Variants in COLEC10 observed in about 807,000 individuals in gnomAD.
COLEC10 encodes collectin subfamily member 10, also known as collectin-10.
In COLEC10, 22 loss-of-function variants were observed where a neutral mutation model predicts 28.4. The observed-to-expected ratio is 0.78, with a 90% CI of 0.55 to 1.11. The LOEUF is 1.11. Among genes scored for constraint, COLEC10 ranks in the 50% least tolerant of loss-of-function variants. COLEC10 has a pLI of 0.00. For missense variants in COLEC10, 361 were observed against 344.1 expected (o/e 1.05, Z -0.39); for synonymous variants, 125 against 116.1 (o/e 1.08, Z -0.49).
intron 1 of COLEC10, among the ~76,000 whole-genome samples, chr8:119,004,978 T>C (rs1398792930): frequency 1.3e-5 from 2 of 152,088 alleles, no homozygotes; most frequent in Non-Finnish European, 2.9e-5. Context: ...GCCTACAAAC[T>C]TTTATTATTC....
At chr8:118,988,188 A>G in the COLEC10 span, among the ~76,000 whole-genome samples, 3 of 152,158 alleles carry the variant, frequency 2.0e-5, no homozygotes, top group African/African-American at 4.8e-5. Context: ...AGGGACCCCA[A>G]TCTTAGGGGT....
chr8:119,006,777 T>A (rs1012208262), intron 1 of COLEC10, among the ~76,000 whole-genome samples: 4 of 152,092 alleles, frequency 2.6e-5, no homozygotes, highest in African/African-American at 7.2e-5. Context: ...CCTGTATAAC[T>A]CCTGTTCGTT....
chr8:118,977,300 C>T, the COLEC10 span, among the ~76,000 whole-genome samples: 6 of 147,976 alleles, frequency 4.1e-5, no homozygotes, highest in African/African-American at 7.3e-5. Context: ...CACATGCACA[C>T]GTATGTTTAT....
At chr8:119,056,807 G>A (rs1197421277) in intron 2 of COLEC10, among the ~76,000 whole-genome samples, 3 of 151,858 alleles carry the variant, frequency 2.0e-5, no homozygotes, top group Non-Finnish European at 4.4e-5. Flanking sequence ...TTGCCCTTAT[G>A]ATAGTTCCAA....
At chr8:119,086,109 T>C (rs1815476385) in intron 1 of COLEC10, among the ~76,000 whole-genome samples, 1 of 152,188 alleles carries the variant, frequency 6.6e-6, no homozygotes, top group South Asian at 2.1e-4. Context: ...TAGAATTCAA[T>C]TTTAAAAGAC....
At chr8:119,061,104 A>G (rs923324123) in intron 2 of COLEC10, among the ~76,000 whole-genome samples, 1 of 152,146 alleles carries the variant, frequency 6.6e-6, no homozygotes, top group African/African-American at 2.4e-5. Context: ...ATGAATTTTT[A>G]TAACTATAAA....
the COLEC10 span, among the ~76,000 whole-genome samples, chr8:118,983,667 G>C: frequency 6.6e-6 from 1 of 151,958 alleles, no homozygotes; most frequent in Non-Finnish European, 1.5e-5. Flanking sequence ...TTAAAAAGTG[G>C]GCAAAGGATA....
the COLEC10 span, among the ~76,000 whole-genome samples, chr8:118,952,666 C>A: frequency 5.3e-5 from 8 of 152,190 alleles, no homozygotes; most frequent in South Asian, 4.1e-4. Flanking sequence ...GATAACCTTG[C>A]GGAGCACTGT....
At chr8:118,952,714 G>A in the COLEC10 span, among the ~76,000 whole-genome samples, 1 of 152,172 alleles carries the variant, frequency 6.6e-6, no homozygotes, top group Non-Finnish European at 1.5e-5. Flanking sequence ...AGGGCTATTG[G>A]TATCGGAGCT....
At chr8:119,085,018 C>G (rs1450663641) in intron 1 of COLEC10, among the ~76,000 whole-genome samples, 2 of 152,240 alleles carry the variant, frequency 1.3e-5, no homozygotes, top group Non-Finnish European at 2.9e-5. Flanking sequence ...GTGTTGAACA[C>G]TTTTCATCCA....
chr8:118,985,324 A>T, the COLEC10 span, among the ~76,000 whole-genome samples: 6 of 152,056 alleles, frequency 3.9e-5, no homozygotes, highest in Non-Finnish European at 5.9e-5. Context: ...TTGATTGCCC[A>T]CCATTCTGCA....
At chr8:119,048,084 T>A (rs1437042487) in intron 2 of COLEC10, among the ~76,000 whole-genome samples, 1 of 152,226 alleles carries the variant, frequency 6.6e-6, no homozygotes, top group Non-Finnish European at 1.5e-5. Context: ...CTGGATATAT[T>A]GCATTCAGGT....
the COLEC10 span, among the ~76,000 whole-genome samples, chr8:118,956,871 T>A: frequency 6.6e-6 from 1 of 152,148 alleles, no homozygotes; most frequent in Non-Finnish European, 1.5e-5. Flanking sequence ...CTCTTAAAAC[T>A]ATTTTCTTAA....
chr8:119,103,953 A>T, intron 5 of COLEC10, 58 bp downstream of exon 5: 1 of 1,098,972 alleles, frequency 9.1e-7, no homozygotes. Context: ...CAACACTACA[A>T]TTCCAGTACT....
At chr8:119,077,903 G>T (rs1338069666) in intron 1 of COLEC10, among the ~76,000 whole-genome samples, 2 of 152,112 alleles carry the variant, frequency 1.3e-5, no homozygotes, top group East Asian at 3.8e-4. Context: ...GGTTTATTTT[G>T]TTCATGTTTC....
At chr8:119,085,556 C>T (rs555151923) in intron 1 of COLEC10, among the ~76,000 whole-genome samples, 25 of 151,250 alleles carry the variant, frequency 1.7e-4, no homozygotes, top group East Asian at 1.6e-3. Context: ...CCAGCTATCC[C>T]ATTCAATTCT....
the COLEC10 span, among the ~76,000 whole-genome samples, chr8:118,966,678 G>A: frequency 2.1e-5 from 3 of 145,410 alleles, no homozygotes; most frequent in South Asian, 6.5e-4. Flanking sequence ...AATGTTCCAT[G>A]TTTTTTTTTT....
chr8:119,079,696 T>C (rs1442313540), intron 1 of COLEC10, among the ~76,000 whole-genome samples: 1 of 139,358 alleles, frequency 7.2e-6, no homozygotes, highest in Non-Finnish European at 1.5e-5. Flanking sequence ...CAAATAAGCT[T>C]GAAAACGACA....
Position 119,067,630 on chromosome 8 carries a change from T to C in COLEC10, c.148+201T>C, listed in dbSNP as rs576154296. On this transcript the variant is annotated intron_variant, in intron 1 of 5. Coordinates refer to ENST00000332843, the MANE Select transcript of COLEC10 (RefSeq NM_006438.5). ...TCTCCTTTGATGTTAGGTAAGAGGA[T>C]GTTGGGAAGGGGAAACCCAGGACGG... 1.9e-4 allele frequency: 99 copies of C among 508,134 alleles called. 2 individuals carry two copies. The highest frequency in any genetic ancestry group is 1.4e-3 in the South Asian group (46 of 33,628). 31.5% of individuals were successfully genotyped at this position (508,134 alleles called of 1,614,324 possible).
Sources: allele counts gnomAD v4.1 joint callset (sites outside exome capture counted in the v4.1 genomes callset), GRCh38; gene constraint gnomAD v4.1.1; transcripts MANE v1.5; gene names NCBI Gene and HGNC (gene_info 2026-07-23, HGNC 2026-07-21).